APTX: variants seen among roughly 807,000 people sequenced by gnomAD.
APTX encodes forkhead-associated domain histidine triad-like protein.
A neutral mutation model predicts 42.3 loss-of-function variants in APTX; 33 were observed. The ratio of observed to expected loss-of-function variants is 0.78; its 90% CI spans 0.59 to 1.04. The LOEUF (loss-of-function observed/expected upper bound fraction) is 1.04, where lower values mean the gene tolerates loss of function less well. Ranked by LOEUF, APTX falls within the 50% of genes least tolerant of loss-of-function variation. The probability of loss-of-function intolerance (pLI) is 0.00; values close to 1 mark genes in which losing one functional copy is unlikely to be tolerated. For missense variants in APTX, 421 were observed against 415.1 expected (o/e 1.01, Z -0.12); for synonymous variants, 130 against 146.7 (o/e 0.89, Z 0.82).
upstream of APTX, chr9:33,001,680 C>A: frequency 1.3e-6 from 2 of 1,576,280 alleles, no homozygotes; most frequent in Non-Finnish European, 1.7e-6. Context: ...GTCACCAGCA[C>A]CTCTCTAACG....
chr9:32,976,627 A>C (rs921771024), intron 6 of APTX, among the ~76,000 whole-genome samples: 6 of 152,250 alleles, frequency 3.9e-5, no homozygotes, highest in African/African-American at 1.4e-4. Flanking sequence ...CATTATACTA[A>C]CATTTTCTTT....
At chr9:33,003,308 G>A (rs1457510536), upstream of APTX, among the ~76,000 whole-genome samples, 1 of 152,196 alleles carries the variant, frequency 6.6e-6, no homozygotes, top group Non-Finnish European at 1.5e-5. Context: ...ACAATGTATA[G>A]CTAAAGGTAT....
intron 1 of APTX, chr9:33,001,239 C>G (rs1259742541): frequency 2.1e-5 from 28 of 1,313,220 alleles, no homozygotes; most frequent in Non-Finnish European, 2.7e-5. Context: ...CTGGCGGAAA[C>G]GCTGCCCTTC....
intron 1 of APTX, among the ~76,000 whole-genome samples, chr9:32,993,379 G>A (rs1834092621): frequency 1.3e-5 from 2 of 152,188 alleles, no homozygotes; most frequent in Non-Finnish European, 2.9e-5. Flanking sequence ...AAGGATGGGT[G>A]TTCCTGAATC....
intron 1 of APTX, among the ~76,000 whole-genome samples, chr9:32,995,675 C>T (rs1370472839): frequency 6.6e-6 from 1 of 152,088 alleles, no homozygotes; most frequent in Non-Finnish European, 1.5e-5. Context: ...ATCACGAGGT[C>T]AGGAGATCGA....
rs1345194159 is a variant in APTX, at chr9:32,973,175, A to G, written c.*323T>C. 2 of 492,460 alleles carry G rather than the reference A, an allele frequency of 4.1e-6. No homozygotes were observed. Among genetic ancestry groups the G allele is most frequent in the East Asian group, 5.7e-5 (1 of 17,450 alleles). The allele number at this position is 492,460 out of a possible 1,614,324, so 30.5% of individuals were successfully genotyped here. ...GAAACAGAAATGTATAACCAGCCCA[A>G]TGCTTCCATACTCTGCATTAGGTCA... On this transcript the variant is annotated 3_prime_UTR_variant, in exon 8 of 8. Transcript: ENST00000379817.
At chr9:32,974,959 G>A (rs745805134) in intron 6 of APTX, among the ~76,000 whole-genome samples, 1 of 152,158 alleles carries the variant, frequency 6.6e-6, no homozygotes, top group Non-Finnish European at 1.5e-5. Context: ...AGAGTGCCCA[G>A]GGGTAGAAGC....
At chr9:32,986,055 CAAA>C (rs748400752) in intron 4 of APTX, 25 bp from the exon 5 acceptor site, 3 of 521,240 alleles carry the variant, frequency 5.8e-6, no homozygotes, top group Non-Finnish European at 7.9e-6. Context: ...AAAAAAAAAA[CAAA>C]AAAAAAAAAA....
upstream of APTX, among the ~76,000 whole-genome samples, chr9:33,002,059 G>A (rs1003488902): frequency 6.6e-6 from 1 of 152,154 alleles, no homozygotes; most frequent in African/African-American, 2.4e-5. Context: ...AGAATGGAGC[G>A]GTAAGAGGCA....
chr9:32,976,181 G>C (rs1024956881), intron 6 of APTX, among the ~76,000 whole-genome samples: 1 of 139,490 alleles, frequency 7.2e-6, no homozygotes, highest in Non-Finnish European at 1.5e-5. Flanking sequence ...TAAACAATGA[G>C]ATCACTTGGA....
intron 1 of APTX, among the ~76,000 whole-genome samples, chr9:33,022,836 TAA>T (rs1274652123): frequency 6.6e-6 from 1 of 152,240 alleles, no homozygotes; most frequent in East Asian, 1.9e-4. Context: ...TTAAAAGTGT[TAA>T]CTTTTTTGTT....
intron 7 of APTX, among the ~76,000 whole-genome samples, chr9:32,973,974 C>T (rs1265078406): frequency 6.6e-6 from 1 of 152,016 alleles, no homozygotes; most frequent in African/African-American, 2.4e-5. Flanking sequence ...AACACCCCAT[C>T]AATGCTTAAG....
chr9:32,973,936 C>T (rs762690466), intron 7 of APTX, among the ~76,000 whole-genome samples: 11 of 151,994 alleles, frequency 7.2e-5, no homozygotes, highest in Non-Finnish European at 1.3e-4. Context: ...CTCTGGTTGG[C>T]CCTTGGTAAA....
intron 4 of APTX, among the ~76,000 whole-genome samples, chr9:32,986,891 C>A (rs1832315884): frequency 6.6e-6 from 1 of 152,170 alleles, no homozygotes; most frequent in South Asian, 2.1e-4. Context: ...TCACTGCAAC[C>A]TCCGCCTTCC....
chr9:33,000,069 T>C (rs1835895832), intron 1 of APTX, among the ~76,000 whole-genome samples: 1 of 152,164 alleles, frequency 6.6e-6, no homozygotes, highest in South Asian at 2.1e-4. Flanking sequence ...TCTCTGAAGT[T>C]GGACTGCCTG....
intron 5 of APTX, among the ~76,000 whole-genome samples, chr9:32,985,542 G>C (rs1304479373): frequency 6.6e-6 from 1 of 151,944 alleles, no homozygotes; most frequent in African/African-American, 2.4e-5. Context: ...CTCCATGTTG[G>C]TCAGGCTGAT....
chr9:33,007,008 AAAAAAAAAAAAAAAAG>A (rs1164427236), intron 1 of APTX, among the ~76,000 whole-genome samples: 1 of 147,662 alleles, frequency 6.8e-6, no homozygotes, highest in Non-Finnish European at 1.5e-5. Flanking sequence ...TCAAAAAAAA[AAAAAAAAAAAAAAAAG>A]AAAGAAAGAA....
chr9:32,985,946 T>C (rs1345208724), intron 5 of APTX, 25 bp downstream of exon 5: 1 of 1,604,964 alleles, frequency 6.2e-7, no homozygotes. Flanking sequence ...TGAAATGTAC[T>C]GAAATTCCAA....
chr9:33,005,732 G>A (rs1252041211), upstream of APTX, among the ~76,000 whole-genome samples: 1 of 152,138 alleles, frequency 6.6e-6, no homozygotes, highest in Non-Finnish European at 1.5e-5. Context: ...ACTGTGCCTG[G>A]CCTTGAGTTC....
Sources: allele counts gnomAD v4.1 joint callset (sites outside exome capture counted in the v4.1 genomes callset), GRCh38; gene constraint gnomAD v4.1.1; transcripts MANE v1.5; gene names NCBI Gene and HGNC (gene_info 2026-07-23, HGNC 2026-07-21).